Variants in ARHGAP39 observed in about 807,000 individuals in gnomAD.
The protein encoded by ARHGAP39 is rho GTPase-activating protein 39.
ARHGAP39 carries 44 observed loss-of-function variants against 106.9 expected under a neutral mutation model. The observed-to-expected ratio is 0.41, with a 90% CI of 0.32 to 0.53. ARHGAP39 has a LOEUF of 0.53. Among genes scored for constraint, ARHGAP39 ranks in the 20% least tolerant of loss-of-function variants. The pLI is 0.21. For synonymous variants in ARHGAP39, 768 were observed against 693.2 expected (o/e 1.11, Z -1.69); for missense variants, 1,496 against 1,577.3 (o/e 0.95, Z 0.87).
intron 2 of ARHGAP39, among the ~76,000 whole-genome samples, chr8:144,603,159 G>A (rs1313769186): frequency 6.9e-6 from 1 of 145,956 alleles, no homozygotes; most frequent in African/African-American, 2.5e-5. Context: ...GTGCGTGGAG[G>A]TGTGTGTGCG....
At chr8:144,663,969 C>T (rs921083413) in intron 1 of ARHGAP39, among the ~76,000 whole-genome samples, 1 of 152,072 alleles carries the variant, frequency 6.6e-6, no homozygotes, top group Non-Finnish European at 1.5e-5. Context: ...GAGTTCAAGA[C>T]CAGCTTGGGC....
chr8:144,679,942 C>T lies in ARHGAP39; in HGVS notation c.-82+5744G>A, dbSNP rs559340304. On this transcript the variant is annotated intron_variant, in intron 1 of 11. Coordinates refer to ENST00000377307, the MANE Select transcript of ARHGAP39 (RefSeq NM_025251.3). This position sits in a 1 kb window ranked among gnomAD's most constrained non-coding sequence, Gnocchi z 4.7. The stretch of plus-strand genomic sequence containing the variant: ...TTGCAGTGAGTCGAGATCGCGCCGC[C>T]GCACTCCAGCCTGGACGACAGAGCA... Among the ~76,000 whole-genome samples the T allele has an allele frequency of 7.9e-5, 12 of 152,058 alleles. No individual in the cohort carries two copies. Among genetic ancestry groups the T allele is most frequent in the Non-Finnish European group, 1.6e-4 (11 of 68,006 alleles).
In ARHGAP39 at chr8:144,544,513, G is replaced by A. The variant is rs184449643; in HGVS notation, c.2521+736C>T. On this transcript the variant is annotated intron_variant, in intron 6 of 11. Transcript: ENST00000377307. ...GTGTGTGTGTGCGCGTGCATTTCTG[G>A]ATATCAGTTCTGTGGCTGTGCCCTG... Among the ~76,000 whole-genome samples the A allele has an allele frequency of 9.5e-3, 1,448 of 152,324 alleles. 10 individuals are homozygous for A. Among genetic ancestry groups the A allele is most frequent in the Non-Finnish European group, 0.016 (1,118 of 68,032 alleles).
chr8:144,628,010 C>A (rs1336860288), intron 1 of ARHGAP39, among the ~76,000 whole-genome samples: 1 of 152,214 alleles, frequency 6.6e-6, no homozygotes, highest in Non-Finnish European at 1.5e-5. Context: ...GGGCTGGGGG[C>A]CGTGTTCCCC....
At chr8:144,551,508 CCAGA>C (rs1564843458) in intron 4 of ARHGAP39, among the ~76,000 whole-genome samples, 1 of 152,190 alleles carries the variant, frequency 6.6e-6, no homozygotes, top group Non-Finnish European at 1.5e-5. Flanking sequence ...CCCGAGAGGC[CCAGA>C]CACTCTCCCC....
rs749526080 is a variant in ARHGAP39, at chr8:144,537,742, G to T, written c.2593C>A (p.Pro865Thr). The T allele has an allele frequency of 1.2e-6, 2 of 1,614,014 alleles. No homozygotes were observed. Among genetic ancestry groups the T allele is most frequent in the Admixed American group, 1.7e-5 (1 of 60,014 alleles). Residue 865 changes from proline to threonine, a missense_variant, in exon 7 of 12, where the codon CCT becomes ACT. Pro to Thr is a conservative substitution (Grantham distance 38). Coordinates refer to ENST00000377307, the MANE Select transcript of ARHGAP39 (RefSeq NM_025251.3). ...KKSKLRKKPK[P>T]YVEEPDGVAI... ...CTACCATCCGGCTCTTCAACATAAGGCTTGGGTTTCTTTCTCAATTTGGAC... is the reference window on the plus strand; with the variant it reads ...CTACCATCCGGCTCTTCAACATAAGTCTTGGGTTTCTTTCTCAATTTGGAC...
chr8:144,599,229 C>T (rs899948705), intron 2 of ARHGAP39, among the ~76,000 whole-genome samples: 1 of 152,244 alleles, frequency 6.6e-6, no homozygotes, highest in Non-Finnish European at 1.5e-5. Context: ...CAGACTGCAG[C>T]AGTCCTTGTA....
At chr8:144,600,545 CCT>C (rs1254836932) in intron 2 of ARHGAP39, among the ~76,000 whole-genome samples, 1 of 139,598 alleles carries the variant, frequency 7.2e-6, no homozygotes, top group Non-Finnish European at 1.5e-5. Flanking sequence ...CACTTGTGTA[CCT>C]GAGTGTGCGT....
chr8:144,565,131 T>C (rs1818347122), intron 3 of ARHGAP39, among the ~76,000 whole-genome samples: 1 of 150,764 alleles, frequency 6.6e-6, no homozygotes, highest in Non-Finnish European at 1.5e-5. Flanking sequence ...TATATACATA[T>C]AAATTAGCTA....
intron 2 of ARHGAP39, among the ~76,000 whole-genome samples, chr8:144,603,551 G>A (rs1459064386): frequency 1.3e-5 from 2 of 151,972 alleles, no homozygotes; most frequent in Non-Finnish European, 2.9e-5. Context: ...TTAGCCGGGC[G>A]TGGTGGTGCG....
chr8:144,547,877 C>G lies in ARHGAP39; in HGVS notation c.1209G>C (p.Gln403His). ...CGCGCAGCTTGGGGCTGGAGCCCGC[C>G]TGCTCCACGTAGACCAGCTGCCGCA... is the stretch of plus-strand genomic sequence containing the variant. ...EYVRQLVYVE[Q>H]AGSSPKLRAG... Residue 403 changes from glutamine (Q) to histidine (H), a missense_variant, in exon 5 of 12, where the codon CAG (glutamine) becomes CAC (histidine). Physicochemically the swap from Gln to His is conservative, Grantham distance 24. Transcript: ENST00000377307. The surrounding 1 kb of genome is among the most constrained non-coding windows in gnomAD (Gnocchi z 5.2). 6.3e-7 allele frequency: 1 copy of G among 1,584,972 alleles called. No homozygotes were observed. Among genetic ancestry groups the G allele is most frequent in the East Asian group, 2.3e-5 (1 of 43,138 alleles).
At chr8:144,576,585 T>A (rs2130892781) in intron 3 of ARHGAP39, among the ~76,000 whole-genome samples, 1 of 152,054 alleles carries the variant, frequency 6.6e-6, no homozygotes, top group Admixed American at 6.6e-5. Flanking sequence ...GAAAAGAGAA[T>A]CACAAAAAGA....
intron 3 of ARHGAP39, among the ~76,000 whole-genome samples, chr8:144,579,450 C>T (rs569395193): frequency 3.9e-5 from 6 of 152,282 alleles, no homozygotes; most frequent in Non-Finnish European, 7.4e-5. Flanking sequence ...CGCTCACCCA[C>T]GCCACGCCCG....
At chr8:144,652,984 T>C (rs1821610129) in intron 1 of ARHGAP39, among the ~76,000 whole-genome samples, 1 of 151,840 alleles carries the variant, frequency 6.6e-6, no homozygotes, top group Admixed American at 6.6e-5. Flanking sequence ...GATTTTAATG[T>C]GCAGCCAAGG....
chr8:144,602,844 G>T (rs1189128600), intron 2 of ARHGAP39, among the ~76,000 whole-genome samples: 2 of 140,994 alleles, frequency 1.4e-5, no homozygotes, highest in Non-Finnish European at 1.5e-5. Flanking sequence ...GCATGGAGGC[G>T]TGCGTGTGAG....
upstream of ARHGAP39, among the ~76,000 whole-genome samples, chr8:144,690,563 C>T (rs538392406): frequency 1.8e-4 from 27 of 152,090 alleles, no homozygotes; most frequent in Admixed American, 1.4e-3. Context: ...TAATGATTAG[C>T]GATGTTGAAC....
intron 2 of ARHGAP39, among the ~76,000 whole-genome samples, chr8:144,600,721 TGA>T (rs1416995639): frequency 8.9e-5 from 13 of 146,580 alleles, no homozygotes; most frequent in South Asian, 4.4e-4. Flanking sequence ...CTTGTGTACC[TGA>T]GTGTGCGTGT....
At chr8:144,639,332 A>C (rs1463033958) in intron 1 of ARHGAP39, among the ~76,000 whole-genome samples, 1 of 151,510 alleles carries the variant, frequency 6.6e-6, no homozygotes, top group Admixed American at 6.6e-5. Context: ...TCTCAAAAAA[A>C]AAAAAAAAAG....
chr8:144,546,909 G>A (rs1435274070), intron 5 of ARHGAP39, among the ~76,000 whole-genome samples: 3 of 152,302 alleles, frequency 2.0e-5, no homozygotes, highest in South Asian at 2.1e-4. Flanking sequence ...GCCAGGGAAC[G>A]CCCAGCAGCC....
Sources: gnomAD v4.1 joint callset for allele counts (sites outside exome capture counted in the v4.1 genomes callset) on GRCh38, gnomAD v4.1.1 for gene constraint, Gnocchi (gnomAD v3.1) non-coding constraint, MANE v1.5 for transcripts, NCBI Gene and HGNC (gene_info 2026-07-23, HGNC 2026-07-21) for gene names.